XKR5: variants seen among roughly 807,000 people sequenced by gnomAD.
The protein encoded by XKR5 is XK-related protein 5.
Under a neutral mutation model 40.8 loss-of-function variants are expected in XKR5, and 46 were observed. That is an observed-to-expected ratio of 1.13 (90% CI 0.89 to 1.44). The LOEUF (loss-of-function observed/expected upper bound fraction) is 1.44, where lower values mean the gene tolerates loss of function less well. XKR5 is among the 40% of genes most tolerant of loss of function. The probability of loss-of-function intolerance (pLI) is 0.00; values close to 1 mark genes in which losing one functional copy is unlikely to be tolerated. For missense variants in XKR5, 1,169 were observed against 844.7 expected (o/e 1.38, Z -4.76); for synonymous variants, 466 against 356.1 (o/e 1.31, Z -3.48).
intron 4 of XKR5, among the ~76,000 whole-genome samples, chr8:6,822,513 A>C (rs879404125): frequency 6.6e-6 from 1 of 152,242 alleles, no homozygotes; most frequent in African/African-American, 2.4e-5. Flanking sequence ...TTTTAAAAAA[A>C]GAATAACAAA....
At position 6,811,917 on chromosome 8, in the gene XKR5, C is replaced by A. The variant is rs375647842; in HGVS notation, c.1342G>T (p.Ala448Ser). 3.3e-6 allele frequency: 5 copies of A among 1,537,272 alleles called. No homozygotes were observed. Among genetic ancestry groups the A allele is most frequent in the Non-Finnish European group, 4.4e-6 (5 of 1,146,940 alleles). Residue 448 changes from alanine to serine, a missense_variant, in exon 7 of 7, where the codon GCC becomes TCC. Physicochemically the swap from Ala to Ser is moderately conservative, Grantham distance 99. Coordinates refer to ENST00000618742, the MANE Select transcript of XKR5 (RefSeq NM_207411.5). ...GGGAGCTCTTGCTGGGCAGACAAGG[C>A]CTTTCTCTGCAGGTAGTCCTGTTGA... ...LSQQDYLQRK[A>S]LSAQQELPSS...
intron 5 of XKR5, 69 bp downstream of exon 5, chr8:6,821,800 C>T: frequency 7.0e-7 from 1 of 1,434,028 alleles, no homozygotes. Context: ...ACACCCCCCA[C>T]ACACACCCAC....
chr8:6,822,700 G>T (rs960072284), intron 4 of XKR5, among the ~76,000 whole-genome samples: 1 of 152,198 alleles, frequency 6.6e-6, no homozygotes, highest in Non-Finnish European at 1.5e-5. Flanking sequence ...CTGATGACCA[G>T]AGATGACAGC....
intron 4 of XKR5, among the ~76,000 whole-genome samples, 174 bp downstream of exon 4, chr8:6,823,347 C>T (rs1804323530): frequency 6.6e-6 from 1 of 152,216 alleles, no homozygotes; most frequent in Non-Finnish European, 1.5e-5. Context: ...TGAATCTGAA[C>T]ATCTGCTACC....
intron 6 of XKR5, among the ~76,000 whole-genome samples, chr8:6,814,953 C>T (rs1314848721): frequency 2.0e-5 from 3 of 152,222 alleles, no homozygotes; most frequent in Non-Finnish European, 4.4e-5. Context: ...AACCCGAGGC[C>T]ACTTCCAGGC....
chr8:6,812,521 G>A (rs911051600), intron 6 of XKR5, among the ~76,000 whole-genome samples, 182 bp from the exon 7 acceptor site: 1 of 152,202 alleles, frequency 6.6e-6, no homozygotes, highest in Admixed American at 6.5e-5. Context: ...TCCAGCTTCT[G>A]TAAGCTGTAA....
intron 1 of XKR5, among the ~76,000 whole-genome samples, chr8:6,835,140 G>A (rs2978897): frequency 6.6e-6 from 1 of 150,884 alleles, no homozygotes; most frequent in Non-Finnish European, 1.5e-5. Context: ...TGCGTGGGGC[G>A]GGGGGATCGT....
chr8:6,833,975 G>A (rs1269980950), intron 1 of XKR5, among the ~76,000 whole-genome samples: 1 of 152,170 alleles, frequency 6.6e-6, no homozygotes, highest in Non-Finnish European at 1.5e-5. Context: ...ACGCAGTGGA[G>A]AGAGAATGTG....
intron 1 of XKR5, among the ~76,000 whole-genome samples, chr8:6,835,186 G>C (rs28668629): frequency 1.0e-4 from 13 of 126,712 alleles, no homozygotes; most frequent in African/African-American, 2.6e-4. Flanking sequence ...CAGTCGGGAG[G>C]GGGGGGAACC....
chr8:6,823,031 G>T (rs1057090689), intron 4 of XKR5, among the ~76,000 whole-genome samples: 2 of 152,204 alleles, frequency 1.3e-5, no homozygotes, highest in African/African-American at 4.8e-5. Context: ...ACACAGAACA[G>T]TCTCCTGAGA....
chr8:6,823,526 A>T lies in XKR5; in HGVS notation c.632T>A (p.Val211Asp). 1.3e-6 allele frequency: 2 copies of T among 1,584,818 alleles called. No individual in the cohort carries two copies. The highest frequency in any genetic ancestry group is 1.7e-6 in the Non-Finnish European group (2 of 1,165,198). The change falls in exon 4 of 7, where the codon GTT becomes GAT. Residue 211 changes from valine (V) to aspartate (D), a missense_variant. By Grantham distance (152) the Val-to-Asp change is radical. Transcript: ENST00000618742. ...AGATCATTAGCTCAGCTCACCTGCA[A>T]CCACAAAAACCCAAAAGTGGTAGGC... ...YKAYHFWVFV[V>D]AGAHWLVMTF...
At chr8:6,835,061 C>T (rs1037627911) in intron 1 of XKR5, among the ~76,000 whole-genome samples, 5 of 152,152 alleles carry the variant, frequency 3.3e-5, no homozygotes, top group African/African-American at 4.8e-5. Flanking sequence ...GGCATCGCAG[C>T]ACTTTGCAAA....
rs370031682 is a variant in XKR5, at chr8:6,824,549, G to A, written c.427+616C>T. On this transcript the variant is annotated intron_variant, in intron 3 of 6. Coordinates refer to ENST00000618742, the MANE Select transcript of XKR5 (RefSeq NM_207411.5). Reference sequence around the variant, plus strand: ...GAATTATTATTATTATTATTATTTTGAGACAGGGTCTCACTCTGTCACCTG... The same window carrying A: ...GAATTATTATTATTATTATTATTTTAAGACAGGGTCTCACTCTGTCACCTG... 5.3e-5 allele frequency among the ~76,000 whole-genome samples: 8 copies of A among 152,118 alleles called. No homozygotes were observed. The East Asian group carries it at 1.5e-3, about 29-fold the overall frequency.
In XKR5 at chr8:6,825,161, T is replaced by G. The variant is rs371753775; in HGVS notation, c.427+4A>C. On this transcript the variant is annotated splice_donor_region_variant and intron_variant, in intron 3 of 6. Transcript: ENST00000618742. Reference sequence around the variant, plus strand: ...GTCTGTGCTCTGTGGTGACAGTTACTCACCTGGCACAATATCTGTGAAGTC... The same window carrying G: ...GTCTGTGCTCTGTGGTGACAGTTACGCACCTGGCACAATATCTGTGAAGTC... 1.3e-5 allele frequency: 21 copies of G among 1,613,330 alleles called. No individual in the cohort carries two copies. Among genetic ancestry groups the G allele is most frequent in the Non-Finnish European group, 1.7e-5 (20 of 1,179,666 alleles).
chr8:6,816,680 TA>T (rs200223233), intron 5 of XKR5, among the ~76,000 whole-genome samples: 3 of 110,980 alleles, frequency 2.7e-5, no homozygotes, highest in East Asian at 2.5e-3. Context: ...AATAATTATT[TA>T]ATTTAATTAA....
chr8:6,835,252 T>A (rs1804961944), intron 1 of XKR5, among the ~76,000 whole-genome samples, 184 bp downstream of exon 1: 1 of 151,978 alleles, frequency 6.6e-6, no homozygotes, highest in Admixed American at 6.5e-5. Context: ...TGCGTGGGCA[T>A]CTACTAAGGA....
rs2117068735 is a variant in XKR5 at position 6,809,444 on chromosome 8, A to G, written c.*1754T>C. On this transcript the variant is annotated 3_prime_UTR_variant, in exon 7 of 7. Transcript: ENST00000618742. Reference sequence around the variant, plus strand: ...GCTGGGACTACAGGTGTGTGCCACCACACCAGGATAATTTATGTATTTTTA... The same window carrying G: ...GCTGGGACTACAGGTGTGTGCCACCGCACCAGGATAATTTATGTATTTTTA... 6.6e-6 allele frequency: 1 copy of G among 152,140 alleles called. No individual in the cohort carries two copies. Among genetic ancestry groups the G allele is most frequent in the East Asian group, 1.9e-4 (1 of 5,162 alleles). The allele number at this position is 152,140 out of a possible 1,614,324, so 9.4% of individuals were successfully genotyped here. A position where few individuals can be genotyped will look rare whatever the true frequency, so the allele number is the denominator to read the frequency against.
intron 5 of XKR5, among the ~76,000 whole-genome samples, chr8:6,821,606 T>C (rs1587176020): frequency 6.6e-6 from 1 of 152,196 alleles, no homozygotes; most frequent in African/African-American, 2.4e-5. Context: ...TGGGCTGATG[T>C]AGAGAAGACA....
At chr8:6,835,247 G>T (rs1337306240) in intron 1 of XKR5, among the ~76,000 whole-genome samples, 189 bp downstream of exon 1, 1 of 152,152 alleles carries the variant, frequency 6.6e-6, no homozygotes, top group Non-Finnish European at 1.5e-5. Context: ...GTGCATGCGT[G>T]GGCATCTACT....
Sources: allele counts gnomAD v4.1 joint callset (sites outside exome capture counted in the v4.1 genomes callset), GRCh38; gene constraint gnomAD v4.1.1; transcripts MANE v1.5; gene names NCBI Gene and HGNC (gene_info 2026-07-23, HGNC 2026-07-21).